MRPS21: variants seen among roughly 807,000 people sequenced by gnomAD.
MRPS21 encodes mitochondrial ribosomal protein S21, also known as small ribosomal subunit protein bS21m.
Under a neutral mutation model 9.9 loss-of-function variants are expected in MRPS21, and 8 were observed. The ratio of observed to expected loss-of-function variants is 0.81; its 90% confidence interval spans 0.47 to 1.45. The LOEUF is 1.45. Among genes scored for constraint, MRPS21 ranks in the 40% most tolerant of loss-of-function variants. The pLI, the probability that MRPS21 is intolerant of heterozygous loss-of-function variation, is 0.00. For missense variants in MRPS21, 101 were observed against 118.9 expected (o/e 0.85, Z 0.70); for synonymous variants, 40 against 40.3 (o/e 0.99, Z 0.03).
intron 2 of MRPS21, among the ~76,000 whole-genome samples, chr1:150,299,621 G>A (rs1694347): frequency 0.13 from 20,232 of 151,808 alleles, 1,755 homozygotes; most frequent in Non-Finnish European, 0.19. Flanking sequence ...CGCCTGGCTA[G>A]TTTTGGTATT....
At chr1:150,303,283 A>G (rs11205358) in intron 2 of MRPS21, among the ~76,000 whole-genome samples, 2,101 of 152,250 alleles carry the variant, frequency 0.014, 47 homozygotes, top group African/African-American at 0.048. Flanking sequence ...TACTTTTTAC[A>G]TTATATATCC....
intron 2 of MRPS21, chr1:150,305,093 A>T: frequency 3.5e-6 from 1 of 283,504 alleles, no homozygotes; most frequent in Non-Finnish European, 6.9e-6. Context: ...GCAGTGCCAC[A>T]ATCATGGCTC....
intron 1 of MRPS21, 24 bp from the exon 2 acceptor site, chr1:150,294,311 C>G: frequency 2.0e-6 from 3 of 1,481,576 alleles, no homozygotes; most frequent in Non-Finnish European, 2.8e-6. Context: ...CTGCTTTCCT[C>G]GCCCTTTCTC....
Position 150,308,073 on chromosome 1 carries a change from G to C in MRPS21, c.109G>C (p.Glu37Gln). 1 of 1,592,762 alleles carries C rather than the reference G, an allele frequency of 6.3e-7. No individual in the cohort carries two copies. The highest frequency in any genetic ancestry group is 8.6e-7 in the Non-Finnish European group (1 of 1,161,992). The change falls in exon 3 of 3, where the codon GAG becomes CAG. Residue 37 changes from glutamate (E) to glutamine (Q), a missense_variant. By Grantham distance (29) the Glu-to-Gln change is conservative. Coordinates refer to ENST00000614145, the MANE Select transcript of MRPS21 (RefSeq NM_031901.6). Reference sequence around the variant, plus strand: ...AATCCTCACTATGGATGGGCTCATTGAGGACATTAAGCATCGGCGGTATTA... The same window carrying C: ...AATCCTCACTATGGATGGGCTCATTCAGGACATTAAGCATCGGCGGTATTA... ...NRILTMDGLI[E>Q]DIKHRRYYEK...
At chr1:150,299,749 C>T (rs768103304) in intron 2 of MRPS21, among the ~76,000 whole-genome samples, 9 of 152,114 alleles carry the variant, frequency 5.9e-5, no homozygotes, top group Non-Finnish European at 1.2e-4. Context: ...GCCACCACAC[C>T]CAGCCCACAT....
chr1:150,298,411 A>ATAGGCCAGAAGATAGGTCTTC (rs1653991147), intron 2 of MRPS21, among the ~76,000 whole-genome samples: 1 of 152,158 alleles, frequency 6.6e-6, no homozygotes, highest in Non-Finnish European at 1.5e-5. Context: ...TCTTCTGGCC[A>ATAGGCCAGAAGATAGGTCTTC]TGGTTGTTGA....
At position 150,294,411 on chromosome 1, in the gene MRPS21, G is replaced by A. The variant is rs146643542; in HGVS notation, c.45G>A (p.Gln15=). The A allele has an allele frequency of 1.0e-4, 164 of 1,613,728 alleles. 1 individual carries two copies. Among genetic ancestry groups the A allele is most frequent in the Non-Finnish European group, 1.2e-4 (139 of 1,179,864 alleles). ...TCATCGCCAGGACTGTGATGGTACA[G>A]GAAGGGAACGTGGAAAGCGCATACA... ...LKFIARTVMV[Q]EGNVESAYRT... The change falls in exon 2 of 3, where the codon CAG becomes CAA. Residue 15 remains glutamine, a synonymous_variant. Transcript: ENST00000614145.
rs587687955 is a variant in MRPS21, at chr1:150,301,287, A to G, written c.84-6761A>G. On this transcript the variant is annotated intron_variant, in intron 2 of 2. Transcript: ENST00000614145. ...GAGGCGGAGCTTGCAGTGAGCCAAG[A>G]TGGCGCCATTGCACTCCAACCTGGG... The G allele has an allele frequency of 2.2e-3, 547 of 243,530 alleles. 5 individuals are homozygous for G. Among genetic ancestry groups the G allele is most frequent in the African/African-American group, 0.011 (488 of 42,520 alleles). The allele number at this position is 243,530 out of a possible 1,614,324, so 15.1% of individuals were successfully genotyped here. A position where few individuals can be genotyped will look rare whatever the true frequency, so the allele number is the denominator to read the frequency against.
intron 2 of MRPS21, among the ~76,000 whole-genome samples, chr1:150,300,169 C>G (rs1434886807): frequency 2.6e-5 from 4 of 151,954 alleles, no homozygotes; most frequent in African/African-American, 9.7e-5. Context: ...ATGGTAAAAC[C>G]CCGTCTCTAC....
At chr1:150,295,054 G>T (rs1456464410) in intron 2 of MRPS21, among the ~76,000 whole-genome samples, 1 of 146,458 alleles carries the variant, frequency 6.8e-6, no homozygotes, top group Non-Finnish European at 1.5e-5. Context: ...GGAGTGCAGC[G>T]GCACGATCTC....
intron 2 of MRPS21, among the ~76,000 whole-genome samples, chr1:150,298,050 C>T (rs1653981349): frequency 6.6e-6 from 1 of 152,086 alleles, no homozygotes; most frequent in Admixed American, 6.6e-5. Flanking sequence ...TCTCCTGCCT[C>T]AGCCTCCTGA....
At position 150,308,194 on chromosome 1, in the gene MRPS21, G is replaced by T. The variant is rs782076534; in HGVS notation, c.230G>T (p.Arg77Leu). 1 of 1,603,864 alleles carries T rather than the reference G, an allele frequency of 6.2e-7. No homozygotes were observed. ...GCTCGCAAGATCAACTTCTTGATGC[G>T]AAAGAATCGGGCAGATCCGTGGCAG... ...EMARKINFLM[R>L]KNRADPWQGC is the part of the protein sequence containing the mutation. Residue 77 changes from arginine (R) to leucine (L), a missense_variant, in exon 3 of 3, where the codon CGA (arginine) becomes CTA (leucine). Transcript: ENST00000614145.
chr1:150,294,535 T>G, intron 2 of MRPS21, 86 bp downstream of exon 2: 1 of 1,139,158 alleles, frequency 8.8e-7, no homozygotes, highest in Non-Finnish European at 1.3e-6. Flanking sequence ...TTGATTGTTC[T>G]CAAAACAGTG....
At chr1:150,294,518 C>A in intron 2 of MRPS21, 69 bp downstream of exon 2, 1 of 1,320,330 alleles carries the variant, frequency 7.6e-7, no homozygotes, top group Non-Finnish European at 1.1e-6. Context: ...TCTCCCTTCC[C>A]CTTTCGTTGA....
At chr1:150,295,296 C>T (rs956257771) in intron 2 of MRPS21, among the ~76,000 whole-genome samples, 9 of 152,116 alleles carry the variant, frequency 5.9e-5, no homozygotes, top group Non-Finnish European at 1.3e-4. Context: ...GCGCCCGGCC[C>T]CGCTTTTTAA....
At chr1:150,303,222 T>C (rs1654210055) in intron 2 of MRPS21, among the ~76,000 whole-genome samples, 1 of 152,212 alleles carries the variant, frequency 6.6e-6, no homozygotes, top group Non-Finnish European at 1.5e-5. Context: ...CTAGGTCATA[T>C]TTACTCAGGG....
At chr1:150,301,674 C>A (rs1433599346) in intron 2 of MRPS21, among the ~76,000 whole-genome samples, 1 of 150,796 alleles carries the variant, frequency 6.6e-6, no homozygotes, top group African/African-American at 2.4e-5. Flanking sequence ...TGCGTGGTCT[C>A]GCCTCACTGC....
chr1:150,300,710 A>G (rs1022069690), intron 2 of MRPS21, among the ~76,000 whole-genome samples: 1 of 152,188 alleles, frequency 6.6e-6, no homozygotes, highest in African/African-American at 2.4e-5. Context: ...CTCCAGGCAG[A>G]TGCATCAAAT....
chr1:150,296,843 G>C (rs1221434404), intron 2 of MRPS21, among the ~76,000 whole-genome samples: 7 of 151,740 alleles, frequency 4.6e-5, no homozygotes, highest in Non-Finnish European at 1.0e-4. Context: ...AGCAGGTGTC[G>C]CTTTAAAAAA....
Sources: allele counts gnomAD v4.1 joint callset (sites outside exome capture counted in the v4.1 genomes callset), GRCh38; gene constraint gnomAD v4.1.1; transcripts MANE v1.5; gene names NCBI Gene and HGNC (gene_info 2026-07-23, HGNC 2026-07-21).